The following XYLT1 variants were observed in gnomAD, a reference collection of about 807,000 sequenced individuals.
XYLT1 encodes the protein beta-D-xylosyltransferase 1.
XYLT1 carries 36 observed loss-of-function variants against 91.3 expected under a neutral mutation model. That is an observed-to-expected ratio of 0.39 (90% CI 0.30 to 0.52). XYLT1 has a LOEUF of 0.52. Among genes scored for constraint, XYLT1 ranks in the 20% least tolerant of loss-of-function variants. The pLI, the probability that XYLT1 is intolerant of heterozygous loss-of-function variation, is 0.68. For synonymous variants in XYLT1, 588 were observed against 532.0 expected, an observed-to-expected ratio of 1.11 and a Z score of -1.45; for missense variants, 1,242 against 1,284.5, an observed-to-expected ratio of 0.97 and a Z score of 0.51.
intron 9 of XYLT1, among the ~76,000 whole-genome samples, chr16:17,131,214 T>C (rs1683179508): frequency 2.6e-5 from 2 of 75,832 alleles, no homozygotes; most frequent in Non-Finnish European, 5.2e-5. Context: ...CTACAGTCCC[T>C]GTAACCAAGG....
intron 1 of XYLT1, among the ~76,000 whole-genome samples, chr16:17,379,023 G>A (rs190329749): frequency 6.6e-6 from 1 of 152,304 alleles, no homozygotes; most frequent in Non-Finnish European, 1.5e-5. Context: ...AGCTTTGTCT[G>A]CTAAATGGGC....
At chr16:17,218,375 C>T (rs1358813990) in intron 3 of XYLT1, among the ~76,000 whole-genome samples, 1 of 147,338 alleles carries the variant, frequency 6.8e-6, no homozygotes, top group African/African-American at 2.5e-5. Flanking sequence ...TTTTTTTTTA[C>T]TTTCCTTTGG....
At chr16:17,453,625 A>T (rs1272746831) in intron 1 of XYLT1, among the ~76,000 whole-genome samples, 1 of 152,232 alleles carries the variant, frequency 6.6e-6, no homozygotes, top group East Asian at 1.9e-4. Flanking sequence ...CAGCATATGC[A>T]GTCCCCAAAG....
chr16:17,158,056 A>G (rs1315485271), intron 6 of XYLT1, among the ~76,000 whole-genome samples: 12 of 152,014 alleles, frequency 7.9e-5, no homozygotes, highest in Admixed American at 7.9e-4. Context: ...CTTTAATGGT[A>G]TTTTCTATTG....
intron 2 of XYLT1, among the ~76,000 whole-genome samples, chr16:17,300,477 G>A (rs1387736202): frequency 6.6e-5 from 1 of 15,176 alleles, no homozygotes. Flanking sequence ...TTTTTTTTGA[G>A]ATGGAGTCTT....
chr16:17,189,395 C>T (rs2032259403), intron 5 of XYLT1, among the ~76,000 whole-genome samples: 1 of 152,170 alleles, frequency 6.6e-6, no homozygotes, highest in Non-Finnish European at 1.5e-5. Flanking sequence ...CCCCCCATGG[C>T]CAAACAGTCA....
chr16:17,330,376 G>C (rs2034876534), intron 2 of XYLT1, among the ~76,000 whole-genome samples: 2 of 152,178 alleles, frequency 1.3e-5, no homozygotes, highest in South Asian at 2.1e-4. Flanking sequence ...TCTGCTGGCT[G>C]TTTACTGGAT....
intron 2 of XYLT1, among the ~76,000 whole-genome samples, chr16:17,286,357 A>G (rs1187192401): frequency 6.6e-6 from 1 of 152,224 alleles, no homozygotes; most frequent in Non-Finnish European, 1.5e-5. Context: ...GATGGAAATT[A>G]GAGAAATTAA....
chr16:17,345,225 T>C (rs67265088), intron 2 of XYLT1, among the ~76,000 whole-genome samples: 21,801 of 152,304 alleles, frequency 0.14, 2,231 homozygotes, highest in African/African-American at 0.28. Context: ...ATCTCTGAAC[T>C]GCACGCAGGC....
In XYLT1 at chr16:17,192,777, C is replaced by G. The variant is rs1332362440; in HGVS notation, c.1289+5435G>C. 3 of 149,388 alleles carry G rather than the reference C, an allele frequency of 2.0e-5. No homozygotes were observed. The East Asian group carries it at 6.1e-4, about 30-fold the overall frequency. The allele number at this position is 149,388 out of a possible 1,614,324, so 9.3% of individuals were successfully genotyped here. On this transcript the variant is annotated intron_variant, in intron 5 of 11. Coordinates refer to ENST00000261381, the MANE Select transcript of XYLT1 (RefSeq NM_022166.4). ...TGGATCTATTCTGTTTTTCTTGAAA[C>G]AGTCTCACGTCTATCTTTGCTTTTC...
chr16:17,240,969 G>A (rs1028213120), intron 3 of XYLT1, among the ~76,000 whole-genome samples: 4 of 152,180 alleles, frequency 2.6e-5, no homozygotes, highest in Non-Finnish European at 5.9e-5. Flanking sequence ...ATCTGGACAG[G>A]ACCATTTCCA....
intron 11 of XYLT1, among the ~76,000 whole-genome samples, chr16:17,117,406 G>T (rs1966854470): frequency 6.6e-6 from 1 of 152,102 alleles, no homozygotes; most frequent in South Asian, 2.1e-4. Flanking sequence ...GAAGTTGAAT[G>T]GGGGAGCGTC....
At chr16:17,163,905 C>G (rs1251826295) in intron 5 of XYLT1, among the ~76,000 whole-genome samples, 3 of 151,590 alleles carry the variant, frequency 2.0e-5, no homozygotes, top group African/African-American at 7.3e-5. Flanking sequence ...AAAAATTAGC[C>G]AGGTGTGGTG....
intron 2 of XYLT1, among the ~76,000 whole-genome samples, chr16:17,300,426 G>A (rs891703275): frequency 1.6e-5 from 2 of 127,148 alleles, no homozygotes; most frequent in African/African-American, 5.8e-5. Flanking sequence ...GCAAAATAAT[G>A]CAGCTATTTC....
chr16:17,427,805 C>T (rs1337510779), intron 1 of XYLT1, among the ~76,000 whole-genome samples: 1 of 152,060 alleles, frequency 6.6e-6, no homozygotes, highest in Non-Finnish European at 1.5e-5. Context: ...CAGCTACATA[C>T]ATTTCACTTA....
At chr16:17,237,187 T>C (rs1314645431) in intron 3 of XYLT1, among the ~76,000 whole-genome samples, 1 of 152,204 alleles carries the variant, frequency 6.6e-6, no homozygotes, top group Admixed American at 6.5e-5. Flanking sequence ...GTCCATAAAG[T>C]AGAAATACTG....
At chr16:17,299,081 CT>C (rs2034357100) in intron 2 of XYLT1, among the ~76,000 whole-genome samples, 1 of 152,096 alleles carries the variant, frequency 6.6e-6, no homozygotes, top group Non-Finnish European at 1.5e-5. Flanking sequence ...AGAACGCAAG[CT>C]ACTTTTTTAT....
intron 11 of XYLT1, among the ~76,000 whole-genome samples, chr16:17,110,453 G>A (rs1966838205): frequency 6.6e-6 from 1 of 152,182 alleles, no homozygotes; most frequent in Non-Finnish European, 1.5e-5. Context: ...TTAAAGGGGA[G>A]TGTCCTTGCA....
intron 1 of XYLT1, among the ~76,000 whole-genome samples, chr16:17,384,247 T>G (rs1317529691): frequency 6.6e-6 from 1 of 151,676 alleles, no homozygotes; most frequent in African/African-American, 2.4e-5. Flanking sequence ...AATGAGCAGG[T>G]AGGAGTTGAT....
Sources: allele counts gnomAD v4.1 joint callset (sites outside exome capture counted in the v4.1 genomes callset), GRCh38; gene constraint gnomAD v4.1.1; transcripts MANE v1.5; gene names NCBI Gene and HGNC (gene_info 2026-07-23, HGNC 2026-07-21).